The following AMZ2 variants were observed in gnomAD, a reference collection of about 807,000 sequenced individuals.
AMZ2 encodes archaelysin family metallopeptidase 2.
Under a neutral mutation model 36.7 loss-of-function variants are expected in AMZ2, and 26 were observed. The ratio of observed to expected loss-of-function variants is 0.71; its 90% CI spans 0.52 to 0.98. The LOEUF (loss-of-function observed/expected upper bound fraction) is 0.98, where lower values mean the gene tolerates loss of function less well. Ranked by LOEUF, AMZ2 falls within the 50% of genes least tolerant of loss-of-function variation. AMZ2 has a pLI of 0.00. For synonymous variants in AMZ2, 144 were observed against 149.1 expected (o/e 0.97, Z 0.25); for missense variants, 394 against 430.5 (o/e 0.92, Z 0.75).
At chr17:68,232,066 C>T (rs2073676817) in intron 1 of AMZ2, among the ~76,000 whole-genome samples, 1 of 141,444 alleles carries the variant, frequency 7.1e-6, no homozygotes, top group African/African-American at 2.6e-5. Flanking sequence ...TGTAAGGTTA[C>T]CTTAAGAGAT....
rs547034252 is a variant in AMZ2, at chr17:68,214,327, A to G, written c.-67+8089A>G. Among the ~76,000 whole-genome samples the G allele has an allele frequency of 8.5e-5, 13 of 152,238 alleles. No homozygotes were observed. In the South Asian group the frequency reaches 2.3e-3, roughly 27 times the overall value. On this transcript the variant is annotated intron_variant, in intron 1 of 7. Transcript: ENST00000674770. ...GCTCTAGAGGAGCGATGGCATGGAA[A>G]GGCCTTTTCCTGTGTCCTGCTTGAA... is the stretch of plus-strand genomic sequence containing the variant.
At chr17:68,246,997 C>T (rs1455406592), upstream of AMZ2, 1 of 149,220 alleles carries the variant, frequency 6.7e-6, no homozygotes, top group Admixed American at 6.7e-5. Context: ...CACCTGAGCG[C>T]AGGAGTTCGA....
chr17:68,241,307 C>T (rs2073895906), intron 1 of AMZ2, among the ~76,000 whole-genome samples: 1 of 152,076 alleles, frequency 6.6e-6, no homozygotes, highest in Admixed American at 6.5e-5. Context: ...AGAGGTTCTA[C>T]AAGAACGAAA....
At chr17:68,252,298 GCCTCTT>G (rs1438446223) in intron 4 of AMZ2, among the ~76,000 whole-genome samples, 1 of 152,200 alleles carries the variant, frequency 6.6e-6, no homozygotes, top group African/African-American at 2.4e-5. Flanking sequence ...GGGTTATAGA[GCCTCTT>G]CCCACTTACT....
upstream of AMZ2, among the ~76,000 whole-genome samples, chr17:68,245,996 C>A (rs1215950511): frequency 6.6e-6 from 1 of 151,876 alleles, no homozygotes; most frequent in Non-Finnish European, 1.5e-5. Context: ...CTCATTTGAT[C>A]CCTAAAATTC....
At chr17:68,213,921 A>G (rs572601215) in intron 1 of AMZ2, among the ~76,000 whole-genome samples, 2 of 151,012 alleles carry the variant, frequency 1.3e-5, no homozygotes, top group South Asian at 2.1e-4. Flanking sequence ...CCATATTTTT[A>G]TTATCTAAGA....
intron 1 of AMZ2, among the ~76,000 whole-genome samples, chr17:68,231,386 G>T (rs1325080874): frequency 1.3e-5 from 2 of 150,700 alleles, no homozygotes; most frequent in Non-Finnish European, 3.0e-5. Flanking sequence ...TGTTTGACCA[G>T]ACATCACTCT....
rs191065828 is a variant in AMZ2 at position 68,250,738 on chromosome 17, G to T, written c.284-56G>T. 6.9e-6 allele frequency: 10 copies of T among 1,454,756 alleles called. No individual in the cohort carries two copies. The African/African-American group carries it at 8.6e-5, about 12-fold the overall frequency. 90.1% of individuals were successfully genotyped at this position (1,454,756 alleles called of 1,614,324 possible). ...TTGAATCTTCTTACTCATAGACTGG[G>T]TAAACACTGAATAATCATCTTAAAG... is the stretch of plus-strand genomic sequence containing the variant. On this transcript the variant is annotated intron_variant, in intron 2 of 6. Transcript: ENST00000359904.
intron 1 of AMZ2, among the ~76,000 whole-genome samples, chr17:68,229,905 C>G (rs1361367282): frequency 2.0e-5 from 3 of 152,162 alleles, no homozygotes; most frequent in Admixed American, 6.5e-5. Context: ...TCAGGGGCCT[C>G]TCACTCTCCA....
Position 68,248,690 on chromosome 17 carries a change from T to C in AMZ2, c.-16T>C, listed in dbSNP as rs1457128025. ...TAAGTTAAAAGCTTCCATGGGAGCC[T>C]TCCTTCCTAATCAAGGTAGGTAGAC... is the stretch of plus-strand genomic sequence containing the variant. On this transcript the variant is annotated 5_prime_UTR_variant, in exon 1 of 7. Transcript: ENST00000359904. The C allele has an allele frequency of 1.0e-6, 1 of 986,364 alleles. No individual in the cohort carries two copies. The highest frequency in any genetic ancestry group is 1.2e-6 in the Non-Finnish European group (1 of 830,476). The allele number at this position is 986,364 out of a possible 1,614,324, so 61.1% of individuals were successfully genotyped here. A position where few individuals can be genotyped will look rare whatever the true frequency, so the allele number is the denominator to read the frequency against.
chr17:68,214,839 A>G (rs1446546821), intron 1 of AMZ2, among the ~76,000 whole-genome samples: 2 of 151,328 alleles, frequency 1.3e-5, no homozygotes, highest in Non-Finnish European at 2.9e-5. Flanking sequence ...TCTGAACTGC[A>G]GTGGCGCTAT....
chr17:68,237,260 A>G lies in AMZ2; in HGVS notation c.-66-11380A>G, dbSNP rs1397409592. Among the ~76,000 whole-genome samples, 32 of 152,226 alleles carry G rather than the reference A, an allele frequency of 2.1e-4. 1 individual carries two copies. The highest frequency in any genetic ancestry group is 6.3e-3 in the Middle Eastern group (2 of 316). On this transcript the variant is annotated intron_variant, in intron 1 of 7. Coordinates refer to the AMZ2 transcript ENST00000674770. ...ATTATGTTGAAAAATGTGCACCACG[A>G]AAAAGTCTAAAAGTTCAGCCAAGAT...
intron 1 of AMZ2, among the ~76,000 whole-genome samples, chr17:68,226,804 T>G (rs376544170): frequency 6.6e-6 from 1 of 152,108 alleles, no homozygotes; most frequent in South Asian, 2.1e-4. Flanking sequence ...ACTCCTAAAA[T>G]GTACTCTGTG....
In AMZ2 at chr17:68,256,105, C is replaced by G. The variant is rs560036179; in HGVS notation, c.927+229C>G. Among the ~76,000 whole-genome samples the G allele has an allele frequency of 2.6e-5, 4 of 152,290 alleles. No individual in the cohort carries two copies. The South Asian group carries it at 8.3e-4, about 32-fold the overall frequency. On this transcript the variant is annotated intron_variant, in intron 6 of 6. Coordinates refer to ENST00000359904, the MANE Select transcript of AMZ2 (RefSeq NM_016627.5). The stretch of plus-strand genomic sequence containing the variant: ...CAATGAGAAATAGTGGAAGAAGTTT[C>G]TTTGCTTCTCTTCCATTTAGGGCAA...
intron 1 of AMZ2, among the ~76,000 whole-genome samples, chr17:68,225,849 C>G (rs1307347305): frequency 6.6e-6 from 1 of 152,120 alleles, no homozygotes; most frequent in Non-Finnish European, 1.5e-5. Context: ...GTCTCGAACT[C>G]CTGGCCTCAA....
intron 1 of AMZ2, among the ~76,000 whole-genome samples, chr17:68,208,855 C>T (rs1321848024): frequency 1.3e-5 from 2 of 152,188 alleles, no homozygotes; most frequent in African/African-American, 2.4e-5. Flanking sequence ...CAGCTTCACT[C>T]CTGAAGCCAG....
chr17:68,237,037 C>G (rs112008631), intron 1 of AMZ2, among the ~76,000 whole-genome samples: 39 of 152,226 alleles, frequency 2.6e-4, no homozygotes, highest in Non-Finnish European at 4.7e-4. Context: ...TTTTTAATGA[C>G]TACATAATAT....
chr17:68,255,858 C>G lies in AMZ2; in HGVS notation c.909C>G (p.Ser303Arg). The part of the protein sequence containing the change: ...LHKLQCAVGF[S>R]IVERYKALVR... ...AGTTGCAGTGTGCTGTTGGCTTCAG[C>G]ATTGTAGAAAGATACAAAGTAAGTT... The change falls in exon 6 of 7, where the codon AGC becomes AGG. Residue 303 changes from serine to arginine, a missense_variant. By Grantham distance (110) the Ser-to-Arg change is moderately radical. Coordinates refer to ENST00000359904, the MANE Select transcript of AMZ2 (RefSeq NM_016627.5). 6.2e-7 allele frequency: 1 copy of G among 1,613,810 alleles called. No homozygotes were observed. The highest frequency in any genetic ancestry group is 8.5e-7 in the Non-Finnish European group (1 of 1,179,952).
intron 1 of AMZ2, among the ~76,000 whole-genome samples, chr17:68,221,207 G>GCCCCC (rs1284093591): frequency 5.9e-5 from 1 of 16,934 alleles, no homozygotes; most frequent in African/African-American, 1.8e-4. Flanking sequence ...TCAGCCCTCA[G>GCCCCC]CTCCCCCCCC....
Sources: allele counts gnomAD v4.1 joint callset (sites outside exome capture counted in the v4.1 genomes callset), GRCh38; gene constraint gnomAD v4.1.1; transcripts MANE v1.5; gene names NCBI Gene and HGNC (gene_info 2026-07-23, HGNC 2026-07-21).